PTPRM: variants seen among roughly 807,000 people sequenced by gnomAD.
PTPRM encodes protein tyrosine phosphatase receptor type M, also known as receptor-type tyrosine-protein phosphatase mu.
Under a neutral mutation model 186.7 loss-of-function variants are expected in PTPRM, and 47 were observed. The observed-to-expected ratio is 0.25, with a 90% CI of 0.20 to 0.32. The LOEUF (loss-of-function observed/expected upper bound fraction) is 0.32, where lower values mean the gene tolerates loss of function less well. PTPRM is among the 10% of genes least tolerant of loss of function. PTPRM has a pLI of 1.00. For synonymous variants in PTPRM, 668 were observed against 674.9 expected (o/e 0.99, Z 0.16); for missense variants, 1,494 against 1,865.0 (o/e 0.80, Z 3.66).
chr18:8,233,720 C>A (rs2094314058), intron 14 of PTPRM, among the ~76,000 whole-genome samples: 2 of 151,998 alleles, frequency 1.3e-5, no homozygotes, highest in Admixed American at 6.6e-5. Flanking sequence ...AAGTCATTGC[C>A]ATATCCAAGG....
intron 4 of PTPRM, among the ~76,000 whole-genome samples, chr18:7,908,731 C>A (rs1201279671): frequency 2.6e-5 from 4 of 152,176 alleles, no homozygotes; most frequent in East Asian, 1.9e-4. Flanking sequence ...CTGTCCCCTC[C>A]CATTTCATGA....
chr18:7,582,784 T>C (rs2036879581), intron 1 of PTPRM, among the ~76,000 whole-genome samples: 1 of 152,236 alleles, frequency 6.6e-6, no homozygotes, highest in South Asian at 2.1e-4. Context: ...CACTTCCTTA[T>C]CTGCAAATAG....
At chr18:7,882,532 C>T (rs574751917) in intron 2 of PTPRM, among the ~76,000 whole-genome samples, 5 of 152,188 alleles carry the variant, frequency 3.3e-5, no homozygotes, top group South Asian at 4.1e-4. Flanking sequence ...AAGGCATGGT[C>T]ATACAAGAAA....
chr18:7,589,442 G>C (rs878939454), intron 1 of PTPRM, among the ~76,000 whole-genome samples: 4 of 152,130 alleles, frequency 2.6e-5, no homozygotes, highest in Admixed American at 2.6e-4. Flanking sequence ...GTGTGGCTCT[G>C]CTGGGACTCT....
chr18:7,833,067 T>C (rs901012164), intron 2 of PTPRM, among the ~76,000 whole-genome samples: 1 of 152,188 alleles, frequency 6.6e-6, no homozygotes, highest in African/African-American at 2.4e-5. Context: ...CCTCCAGTTT[T>C]GTTCTTTTTG....
At chr18:7,905,759 C>A (rs894669197) in intron 3 of PTPRM, among the ~76,000 whole-genome samples, 4 of 152,182 alleles carry the variant, frequency 2.6e-5, no homozygotes, top group African/African-American at 9.7e-5. Context: ...GGGAGGTCCT[C>A]CATGTGTATA....
intron 5 of PTPRM, among the ~76,000 whole-genome samples, chr18:7,938,395 G>C (rs1049815364): frequency 6.6e-6 from 1 of 152,150 alleles, no homozygotes; most frequent in African/African-American, 2.4e-5. Context: ...ATGTTTGAGA[G>C]GTAGCACAAG....
chr18:7,886,530 A>G (rs886434813), intron 2 of PTPRM, among the ~76,000 whole-genome samples: 5 of 152,198 alleles, frequency 3.3e-5, no homozygotes, highest in African/African-American at 7.2e-5. Context: ...AATAGCTACT[A>G]TAATTTCCCT....
chr18:7,590,354 G>A (rs904904482), intron 1 of PTPRM, among the ~76,000 whole-genome samples: 4 of 152,180 alleles, frequency 2.6e-5, no homozygotes, highest in African/African-American at 9.7e-5. Context: ...TCATTGATCA[G>A]TGGCTGTTCC....
At chr18:7,604,813 AAAG>A (rs2037490595) in intron 1 of PTPRM, among the ~76,000 whole-genome samples, 1 of 152,218 alleles carries the variant, frequency 6.6e-6, no homozygotes, top group Non-Finnish European at 1.5e-5. Context: ...AGCAGCCAGC[AAAG>A]GTGTACTTCA....
At chr18:8,169,054 T>C (rs1402507600) in intron 14 of PTPRM, among the ~76,000 whole-genome samples, 1 of 152,168 alleles carries the variant, frequency 6.6e-6, no homozygotes, top group African/African-American at 2.4e-5. Context: ...TCTATAAATA[T>C]CTTATCACGC....
At chr18:7,612,502 T>C (rs963649296) in intron 1 of PTPRM, among the ~76,000 whole-genome samples, 15 of 152,218 alleles carry the variant, frequency 9.9e-5, no homozygotes, top group African/African-American at 3.4e-4. Flanking sequence ...GTCTCTCAAT[T>C]GTTCCACGAT....
At chr18:8,265,072 A>T (rs2094684908) in intron 19 of PTPRM, among the ~76,000 whole-genome samples, 1 of 152,146 alleles carries the variant, frequency 6.6e-6, no homozygotes, top group African/African-American at 2.4e-5. Context: ...TCAAGGCAGG[A>T]ATGTTAGTTT....
intron 7 of PTPRM, among the ~76,000 whole-genome samples, chr18:7,991,986 C>G (rs1016353227): frequency 1.3e-5 from 2 of 151,998 alleles, no homozygotes; most frequent in Admixed American, 1.3e-4. Flanking sequence ...AACCATCGAC[C>G]AGCCTCCAGA....
rs1018222265 is a variant in PTPRM at position 8,157,799 on chromosome 18, C to G, written c.2300+14020C>G. On this transcript the variant is annotated intron_variant, in intron 14 of 32. Coordinates refer to ENST00000580170, the MANE Select transcript of PTPRM (RefSeq NM_001105244.2). ...TGCTTCTGAGTGGGCATGGCATTGG[C>G]ATTAAATGCAAATACTTTGGGTATT... is the stretch of plus-strand genomic sequence containing the variant. Among the ~76,000 whole-genome samples, 10 of 152,182 alleles carry G rather than the reference C, an allele frequency of 6.6e-5. No homozygotes were observed. In the East Asian group the frequency reaches 1.9e-3, roughly 29 times the overall value.
At chr18:8,016,541 A>G (rs1600087425) in intron 7 of PTPRM, among the ~76,000 whole-genome samples, 1 of 151,576 alleles carries the variant, frequency 6.6e-6, no homozygotes, top group East Asian at 1.9e-4. Flanking sequence ...AAAAAAAAAA[A>G]AAAAAGAAAA....
At chr18:7,853,707 T>TA (rs2145964141) in intron 2 of PTPRM, among the ~76,000 whole-genome samples, 1 of 152,338 alleles carries the variant, frequency 6.6e-6, no homozygotes, top group South Asian at 2.1e-4. Flanking sequence ...AAAGGGGGAA[T>TA]AGAATGTGAA....
intron 11 of PTPRM, among the ~76,000 whole-genome samples, chr18:8,093,251 CT>C (rs771324225): frequency 5.1e-4 from 78 of 152,212 alleles, no homozygotes; most frequent in Admixed American, 1.9e-3. Context: ...CGCTAGGAGC[CT>C]TTGAGCATGC....
intron 7 of PTPRM, among the ~76,000 whole-genome samples, chr18:8,010,292 T>A (rs1465424964): frequency 6.6e-6 from 1 of 152,232 alleles, no homozygotes; most frequent in Non-Finnish European, 1.5e-5. Flanking sequence ...ATTTCCCTTT[T>A]CAAAAGCCTT....
Sources: gnomAD v4.1 joint callset for allele counts (sites outside exome capture counted in the v4.1 genomes callset) on GRCh38, gnomAD v4.1.1 for gene constraint, MANE v1.5 for transcripts, NCBI Gene and HGNC (gene_info 2026-07-23, HGNC 2026-07-21) for gene names.